PEAK1: variants seen among roughly 807,000 people sequenced by gnomAD.
PEAK1 encodes pseudopodium enriched atypical kinase 1.
A neutral mutation model predicts 124.7 loss-of-function variants in PEAK1; 54 were observed. The observed-to-expected ratio is 0.43, with a 90% CI of 0.35 to 0.54. PEAK1 has a LOEUF of 0.54. Among genes scored for constraint, PEAK1 ranks in the 20% least tolerant of loss-of-function variants. The pLI is 0.01. For missense variants in PEAK1, 2,046 were observed against 2,134.5 expected, an observed-to-expected ratio of 0.96 and a Z score of 0.82; for synonymous variants, 719 against 760.0, an observed-to-expected ratio of 0.95 and a Z score of 0.89.
At chr15:77,402,065 G>A (rs1457671928) in intron 1 of PEAK1, 1 of 756,448 alleles carries the variant, frequency 1.3e-6, no homozygotes, top group Non-Finnish European at 1.6e-6. Context: ...TGGGCGTAGA[G>A]GCATGCACCT....
chr15:77,235,215 C>G lies in PEAK1; in HGVS notation c.-115+17152G>C, dbSNP rs187155099. On this transcript the variant is annotated intron_variant, in intron 6 of 9. Coordinates refer to ENST00000682557, the MANE Select transcript of PEAK1 (RefSeq NM_001385026.1). ...AAATTGGTACCAAGGTCACAGGGGA[C>G]TGCTGTAAAGATACCTGAAAATGTG... Among the ~76,000 whole-genome samples the G allele has an allele frequency of 1.3e-3, 195 of 152,014 alleles. 2 individuals carry two copies. Among genetic ancestry groups the G allele is most frequent in the African/African-American group, 4.6e-3 (189 of 41,452 alleles).
At chr15:77,347,235 T>C (rs2066924042) in intron 2 of PEAK1, 1 of 985,024 alleles carries the variant, frequency 1.0e-6, no homozygotes, top group Non-Finnish European at 1.2e-6. Flanking sequence ...TTCAAAGTTA[T>C]CTGCTGAGAA....
chr15:77,236,433 T>C (rs182442500), intron 6 of PEAK1, among the ~76,000 whole-genome samples: 3 of 152,360 alleles, frequency 2.0e-5, no homozygotes, highest in South Asian at 4.1e-4. Context: ...ATGAGGCCTA[T>C]AGTCCCATTG....
At chr15:77,315,134 T>A (rs576552840) in intron 2 of PEAK1, among the ~76,000 whole-genome samples, 1 of 152,258 alleles carries the variant, frequency 6.6e-6, no homozygotes, top group Non-Finnish European at 1.5e-5. Context: ...CAAGAATTAT[T>A]TTGTGTCTCA....
intron 9 of PEAK1, among the ~76,000 whole-genome samples, chr15:77,128,869 T>A (rs952791051): frequency 6.6e-6 from 1 of 152,210 alleles, no homozygotes; most frequent in African/African-American, 2.4e-5. Flanking sequence ...GATGCTGTCA[T>A]AAATAAGACT....
At chr15:77,173,809 C>A (rs574659869) in intron 7 of PEAK1, among the ~76,000 whole-genome samples, 2 of 152,320 alleles carry the variant, frequency 1.3e-5, no homozygotes, top group Admixed American at 6.5e-5. Flanking sequence ...AGCCAGCTGG[C>A]AAAATCCTAT....
intron 2 of PEAK1, among the ~76,000 whole-genome samples, chr15:77,327,113 A>G (rs1223279459): frequency 6.6e-6 from 1 of 152,188 alleles, no homozygotes; most frequent in Admixed American, 6.5e-5. Context: ...TGGACAAACT[A>G]CACTTTGAAA....
chr15:77,199,139 G>A (rs1399240002), intron 6 of PEAK1, among the ~76,000 whole-genome samples: 1 of 152,162 alleles, frequency 6.6e-6, no homozygotes, highest in African/African-American at 2.4e-5. Context: ...GAAATGATAA[G>A]CCCCAGCTGC....
intron 9 of PEAK1, among the ~76,000 whole-genome samples, chr15:77,122,133 G>GT (rs1471698342): frequency 3.3e-5 from 5 of 152,138 alleles, no homozygotes; most frequent in Admixed American, 2.6e-4. Context: ...TAGATTAAGT[G>GT]TTTAATATAT....
chr15:77,336,495 A>T, intron 2 of PEAK1: 1 of 985,448 alleles, frequency 1.0e-6, no homozygotes. Flanking sequence ...TCATGTCTAT[A>T]AAAGCAGCTC....
At chr15:77,372,990 C>T (rs1256167830) in intron 1 of PEAK1, among the ~76,000 whole-genome samples, 1 of 152,130 alleles carries the variant, frequency 6.6e-6, no homozygotes, top group Non-Finnish European at 1.5e-5. Flanking sequence ...AACCATGAAC[C>T]AATTAAACCT....
At chr15:77,261,731 A>G (rs2152939509) in intron 5 of PEAK1, among the ~76,000 whole-genome samples, 1 of 152,304 alleles carries the variant, frequency 6.6e-6, no homozygotes, top group Admixed American at 6.5e-5. Context: ...AAGGCAGGCC[A>G]ACATTCAGAT....
chr15:77,408,560 G>T (rs2072131541), intron 1 of PEAK1, among the ~76,000 whole-genome samples: 1 of 151,536 alleles, frequency 6.6e-6, no homozygotes, highest in Admixed American at 6.6e-5. Flanking sequence ...AAACAGTCTA[G>T]GAATACTGCT....
intron 2 of PEAK1, among the ~76,000 whole-genome samples, chr15:77,327,336 G>A (rs1300615276): frequency 6.6e-6 from 1 of 151,606 alleles, no homozygotes; most frequent in African/African-American, 2.4e-5. Flanking sequence ...TGGGGCAAGG[G>A]TATGTTTAAA....
chr15:77,337,071 G>A (rs755442625), intron 2 of PEAK1: 2 of 940,094 alleles, frequency 2.1e-6, no homozygotes, highest in Non-Finnish European at 2.5e-6. Context: ...AGTAAAGATA[G>A]GAAAAAGAGA....
At chr15:77,357,035 G>A (rs2067561814) in intron 2 of PEAK1, among the ~76,000 whole-genome samples, 1 of 152,214 alleles carries the variant, frequency 6.6e-6, no homozygotes, top group African/African-American at 2.4e-5. Flanking sequence ...GGGAGGCTGA[G>A]GTGGAAGGAT....
intron 2 of PEAK1, among the ~76,000 whole-genome samples, chr15:77,319,590 T>G (rs1276464288): frequency 1.3e-5 from 2 of 152,182 alleles, no homozygotes; most frequent in Non-Finnish European, 2.9e-5. Context: ...CCTAGAACAC[T>G]GAGATAAAAG....
chr15:77,200,819 C>CA (rs1157355887), intron 6 of PEAK1, among the ~76,000 whole-genome samples: 3 of 151,948 alleles, frequency 2.0e-5, no homozygotes, highest in East Asian at 1.9e-4. Context: ...AAAGATCTTC[C>CA]ATTAGGGTCA....
intron 5 of PEAK1, chr15:77,278,659 G>T (rs767932193): frequency 1.3e-4 from 67 of 522,624 alleles, no homozygotes; most frequent in Non-Finnish European, 2.0e-4. Context: ...CTGGCAAGGA[G>T]GGGAATAAGC....
Sources: allele counts gnomAD v4.1 joint callset (sites outside exome capture counted in the v4.1 genomes callset), GRCh38; gene constraint gnomAD v4.1.1; transcripts MANE v1.5; gene names NCBI Gene and HGNC (gene_info 2026-07-23, HGNC 2026-07-21).